MLIP: variants seen among roughly 807,000 people sequenced by gnomAD.
MLIP encodes muscular LMNA interacting protein.
In MLIP, 79 loss-of-function variants were observed where a neutral mutation model predicts 84.8. The ratio of observed to expected loss-of-function variants is 0.93; its 90% confidence interval spans 0.78 to 1.12. The LOEUF (loss-of-function observed/expected upper bound fraction) is 1.12, where lower values mean the gene tolerates loss of function less well. Ranked by LOEUF, MLIP falls within the 50% of genes most tolerant of loss-of-function variation. MLIP has a pLI of 0.00. For missense variants in MLIP, 1,257 were observed against 1,160.6 expected, an observed-to-expected ratio of 1.08 and a Z score of -1.21; for synonymous variants, 504 against 463.0, an observed-to-expected ratio of 1.09 and a Z score of -1.14.
At chr6:54,150,973 T>G (rs963517812) in intron 5 of MLIP, among the ~76,000 whole-genome samples, 5 of 152,182 alleles carry the variant, frequency 3.3e-5, no homozygotes, top group Admixed American at 2.6e-4. Flanking sequence ...AATAAAACAT[T>G]CTGTAGGAAA....
chr6:54,228,770 T>C (rs528844249), intron 11 of MLIP, among the ~76,000 whole-genome samples: 1 of 152,356 alleles, frequency 6.6e-6, no homozygotes, highest in African/African-American at 2.4e-5. Context: ...AGCCTGAGTA[T>C]AAGCCAGAGA....
chr6:54,176,530 T>G (rs903546842), intron 9 of MLIP, among the ~76,000 whole-genome samples: 7 of 152,102 alleles, frequency 4.6e-5, no homozygotes, highest in African/African-American at 1.7e-4. Flanking sequence ...GGCATATAGT[T>G]GCTCATAGTA....
chr6:54,123,879 A>G (rs1194136327), intron 2 of MLIP, among the ~76,000 whole-genome samples: 1 of 152,222 alleles, frequency 6.6e-6, no homozygotes, highest in Non-Finnish European at 1.5e-5. Context: ...AAAGACTGAG[A>G]ATTACAAATC....
At chr6:54,156,130 A>G (rs1262288997) in intron 5 of MLIP, among the ~76,000 whole-genome samples, 1 of 152,090 alleles carries the variant, frequency 6.6e-6, no homozygotes, top group African/African-American at 2.4e-5. Context: ...TGCTTTTAAG[A>G]GAAAATTTTG....
chr6:54,049,386 G>A (rs982025236), intron 1 of MLIP, among the ~76,000 whole-genome samples: 1 of 152,152 alleles, frequency 6.6e-6, no homozygotes, highest in South Asian at 2.1e-4. Flanking sequence ...TGCTGGGTCA[G>A]TGCTCTAGTG....
intron 11 of MLIP, among the ~76,000 whole-genome samples, chr6:54,221,219 C>A (rs188778865): frequency 2.6e-5 from 4 of 152,192 alleles, no homozygotes; most frequent in African/African-American, 9.6e-5. Context: ...GCTAAACCAA[C>A]TCATACCCCA....
In MLIP at chr6:54,111,455, G is replaced by T; in HGVS notation, c.-25G>T. 1 of 1,535,666 alleles carries T rather than the reference G, an allele frequency of 6.5e-7. No homozygotes were observed. Among genetic ancestry groups the T allele is most frequent in the Admixed American group, 2.0e-5 (1 of 50,976 alleles). ...CCCTTCCCACCTCAGTCATTGGTTT[G>T]CTCGCTCCCTTATGTGATGAATCAA... On this transcript the variant is annotated 5_prime_UTR_variant, in exon 1 of 14. Transcript: ENST00000502396.
intron 1 of MLIP, chr6:54,045,668 A>G (rs930318976): frequency 6.6e-6 from 1 of 151,856 alleles, no homozygotes; most frequent in Non-Finnish European, 1.5e-5. Context: ...TTCTTGTGAT[A>G]TTGAGTTCTC....
intron 1 of MLIP, among the ~76,000 whole-genome samples, chr6:54,094,767 A>G (rs1247832274): frequency 6.6e-6 from 1 of 152,120 alleles, no homozygotes; most frequent in Non-Finnish European, 1.5e-5. Context: ...AAAGTAAATT[A>G]GACTCACTCA....
rs1448008628 is a variant in MLIP, at chr6:54,231,003, CAT to C, written c.2922+87_2922+88del. ...TTTTAAAACTTAAATGTGGAGGAAA[CAT>C]GTGTTAGGAATATTTAAATATTAAA... On this transcript the variant is annotated intron_variant, in intron 12 of 13. Coordinates refer to ENST00000502396, the MANE Select transcript of MLIP (RefSeq NM_001281747.2). 1.1e-4 allele frequency: 120 copies of C among 1,087,808 alleles called. 1 individual carries two copies. In the East Asian group the frequency reaches 2.6e-3, roughly 24 times the overall value. 67.4% of individuals were successfully genotyped at this position (1,087,808 alleles called of 1,614,324 possible).
intron 1 of MLIP, among the ~76,000 whole-genome samples, chr6:54,025,481 T>G (rs541063926): frequency 6.6e-6 from 1 of 152,344 alleles, no homozygotes; most frequent in East Asian, 1.9e-4. Flanking sequence ...GTTGCATTCA[T>G]TCTTAATAAA....
At chr6:54,140,641 T>G (rs1772212144) in intron 4 of MLIP, among the ~76,000 whole-genome samples, 1 of 152,198 alleles carries the variant, frequency 6.6e-6, no homozygotes, top group African/African-American at 2.4e-5. Flanking sequence ...CCTTGCATCT[T>G]GCTATATTAT....
In MLIP at chr6:54,068,325, C is replaced by T. The variant is rs1444278991; in HGVS notation, c.63+49234C>T. 3.1e-5 allele frequency among the ~76,000 whole-genome samples: 3 copies of T among 97,636 alleles called. 1 individual carries two copies. The highest frequency in any genetic ancestry group is 7.8e-5 in the African/African-American group (3 of 38,472). 64.1% of individuals were successfully genotyped at this position (97,636 alleles called of 152,430 possible). ...CTAATTTTTGTATTTTTAGTAGAGA[C>T]GGGGTTTCACCATGTCGGCCAGGCT... On this transcript the variant is annotated intron_variant, in intron 1 of 12. Coordinates refer to the MLIP transcript ENST00000274897.
chr6:54,228,213 A>AAAAAAAAG (rs1562082666), intron 11 of MLIP, among the ~76,000 whole-genome samples: 2 of 116,650 alleles, frequency 1.7e-5, no homozygotes, highest in Admixed American at 9.5e-5. Context: ...AAAAAAAAAA[A>AAAAAAAAG]AGAGAAAGAA....
chr6:54,040,573 A>C (rs1764686521), intron 1 of MLIP, among the ~76,000 whole-genome samples: 1 of 152,086 alleles, frequency 6.6e-6, no homozygotes, highest in Non-Finnish European at 1.5e-5. Context: ...GTTTAAATGC[A>C]AAGGAAAATA....
intron 1 of MLIP, chr6:54,019,206 G>C: frequency 9.9e-7 from 1 of 1,012,916 alleles, no homozygotes; most frequent in South Asian, 1.5e-5. Flanking sequence ...TGTTTTGCTG[G>C]TCAATAACTT....
intron 12 of MLIP, among the ~76,000 whole-genome samples, chr6:54,254,627 C>G (rs958890054): frequency 6.6e-6 from 1 of 152,022 alleles, no homozygotes; most frequent in Non-Finnish European, 1.5e-5. Context: ...CATATCTACC[C>G]TCTGCTTCTT....
chr6:54,261,783 A>C, intron 13 of MLIP: 1 of 967,662 alleles, frequency 1.0e-6, no homozygotes, highest in Non-Finnish European at 1.2e-6. Flanking sequence ...CAAGGGTAAA[A>C]ATAAAATTAT....
chr6:54,095,247 C>G (rs888706901), intron 1 of MLIP, among the ~76,000 whole-genome samples: 14 of 152,132 alleles, frequency 9.2e-5, no homozygotes, highest in Non-Finnish European at 2.1e-4. Flanking sequence ...ATTAGTTCAT[C>G]TTGCTTATCT....
Sources: gnomAD v4.1 joint callset for allele counts (sites outside exome capture counted in the v4.1 genomes callset) on GRCh38, gnomAD v4.1.1 for gene constraint, MANE v1.5 for transcripts, NCBI Gene and HGNC (gene_info 2026-07-23, HGNC 2026-07-21) for gene names.